EXOC5: variants seen among roughly 807,000 people sequenced by gnomAD.
EXOC5 encodes exocyst complex component 5.
In EXOC5, 17 loss-of-function variants were observed where a neutral mutation model predicts 90.8. The observed-to-expected ratio is 0.19, with a 90% CI of 0.13 to 0.28. The LOEUF is 0.28. EXOC5 is among the 10% of genes least tolerant of loss of function. The probability of loss-of-function intolerance (pLI) is 1.00; values close to 1 mark genes in which losing one functional copy is unlikely to be tolerated. For synonymous variants in EXOC5, 260 were observed against 270.0 expected (o/e 0.96, Z 0.36); for missense variants, 569 against 830.6 (o/e 0.69, Z 3.87).
At chr14:57,254,960 C>G (rs750576325) in intron 1 of EXOC5, among the ~76,000 whole-genome samples, 3 of 152,136 alleles carry the variant, frequency 2.0e-5, no homozygotes, top group Non-Finnish European at 4.4e-5. Context: ...TTATGGAAGC[C>G]TGAGCTGACT....
At position 57,203,010 on chromosome 14, in the gene EXOC5, G is replaced by A. The variant is rs1263452996; in HGVS notation, c.*5599C>T. 2.0e-5 allele frequency: 3 copies of A among 152,024 alleles called. No individual in the cohort carries two copies. The highest frequency in any genetic ancestry group is 7.2e-5 in the African/African-American group (3 of 41,382). The allele number at this position is 152,024 out of a possible 1,614,324, so 9.4% of individuals were successfully genotyped here. A position where few individuals can be genotyped will look rare whatever the true frequency, so the allele number is the denominator to read the frequency against. On this transcript the variant is annotated 3_prime_UTR_variant, in exon 18 of 18. Coordinates refer to ENST00000621441, the MANE Select transcript of EXOC5 (RefSeq NM_006544.4). ...GAATCCCCCATGTTATCCTCTAAAT[G>A]GTACACAGTATTCACAAACAATATG...
rs1208223422 is a variant in EXOC5 at position 57,246,661 on chromosome 14, AAAGAT to A, written c.270+45_270+49del. The A allele has an allele frequency of 6.8e-6, 10 of 1,466,642 alleles. No homozygotes were observed. The Admixed American group carries it at 8.0e-5, about 12-fold the overall frequency. The allele number at this position is 1,466,642 out of a possible 1,614,324, so 90.9% of individuals were successfully genotyped here. ...TAAGAGCTTAAAACTGGAAGAAAAT[AAAGAT>A]ATTATAGCCTATATAAAATACCCAT... On this transcript the variant is annotated intron_variant, in intron 3 of 17. Transcript: ENST00000621441.
chr14:57,236,311 G>A (rs1240264396), intron 6 of EXOC5, among the ~76,000 whole-genome samples: 2 of 140,686 alleles, frequency 1.4e-5, no homozygotes, highest in African/African-American at 5.5e-5. Context: ...TTTCGAGACA[G>A]AGTTTCTCTG....
Position 57,206,124 on chromosome 14 carries a change from C to T in EXOC5, c.*2485G>A. 5.1e-6 allele frequency: 2 copies of T among 393,120 alleles called. No homozygotes were observed. Among genetic ancestry groups the T allele is most frequent in the Non-Finnish European group, 1.0e-5 (2 of 199,802 alleles). The allele number at this position is 393,120 out of a possible 1,614,324, so 24.4% of individuals were successfully genotyped here. On this transcript the variant is annotated 3_prime_UTR_variant, in exon 18 of 18. Transcript: ENST00000621441. ...ATTTTCAACTTCATTCAATGCATTA[C>T]CTAAATACTGCATATTAGCTCATGC...
chr14:57,224,312 T>C (rs1167315449), intron 12 of EXOC5, among the ~76,000 whole-genome samples: 1 of 150,982 alleles, frequency 6.6e-6, no homozygotes, highest in Non-Finnish European at 1.5e-5. Context: ...GGGAAATAAA[T>C]CAGTAAAATG....
chr14:57,244,865 T>A (rs1273846415), intron 3 of EXOC5, among the ~76,000 whole-genome samples: 2 of 152,056 alleles, frequency 1.3e-5, no homozygotes, highest in Non-Finnish European at 2.9e-5. Context: ...GGTTTGGTGG[T>A]GGGCCCTGCA....
chr14:57,239,182 C>CG (rs1326595260), intron 5 of EXOC5, among the ~76,000 whole-genome samples: 85 of 152,222 alleles, frequency 5.6e-4, no homozygotes, highest in African/African-American at 1.9e-3. Context: ...CGTTCATCAG[C>CG]TTTTCAAAGG....
At chr14:57,242,069 G>A (rs368018436) in intron 4 of EXOC5, among the ~76,000 whole-genome samples, 1 of 149,846 alleles carries the variant, frequency 6.7e-6, no homozygotes, top group Non-Finnish European at 1.5e-5. Context: ...GGAGGCGGAG[G>A]TTGCAGTGAG....
intron 14 of EXOC5, 45 bp downstream of exon 14, chr14:57,219,277 T>G: frequency 8.1e-7 from 1 of 1,237,516 alleles, no homozygotes; most frequent in Non-Finnish European, 1.1e-6. Context: ...TAGAATGCTA[T>G]AATAGTCACT....
chr14:57,235,844 C>T (rs1350419665), intron 6 of EXOC5, 24 bp from the exon 7 acceptor site: 1 of 1,187,610 alleles, frequency 8.4e-7, no homozygotes, highest in African/African-American at 1.5e-5. Flanking sequence ...CATTCAGCTA[C>T]ACTGAGGCAT....
intron 15 of EXOC5, among the ~76,000 whole-genome samples, chr14:57,210,917 A>C (rs571792121): frequency 1.3e-5 from 2 of 152,220 alleles, no homozygotes; most frequent in African/African-American, 4.8e-5. Flanking sequence ...TGAAAAGGTT[A>C]CTCTATCCTA....
intron 1 of EXOC5, among the ~76,000 whole-genome samples, chr14:57,250,980 G>A (rs1459073530): frequency 6.6e-6 from 1 of 152,168 alleles, no homozygotes. Flanking sequence ...ACATGAATGA[G>A]CATGGTTGTG....
intron 9 of EXOC5, 41 bp from the exon 10 acceptor site, chr14:57,232,790 T>C (rs1218861013): frequency 1.1e-6 from 1 of 937,976 alleles, no homozygotes; most frequent in South Asian, 1.5e-5. Flanking sequence ...TAGGTAAATA[T>C]TAAATTCTAC....
intron 1 of EXOC5, among the ~76,000 whole-genome samples, chr14:57,250,997 T>C (rs1437599135): frequency 1.3e-5 from 2 of 151,908 alleles, no homozygotes; most frequent in East Asian, 2.0e-4. Context: ...TGTGTATCAA[T>C]AAAACAGACA....
chr14:57,221,209 T>C (rs915963144), intron 13 of EXOC5, among the ~76,000 whole-genome samples: 5 of 152,030 alleles, frequency 3.3e-5, no homozygotes, highest in Non-Finnish European at 5.9e-5. Context: ...GGCAAAAGGA[T>C]TTTGGGGATA....
intron 4 of EXOC5, among the ~76,000 whole-genome samples, chr14:57,240,097 G>A (rs146991497): frequency 3.6e-4 from 55 of 152,168 alleles, no homozygotes; most frequent in African/African-American, 1.3e-3. Flanking sequence ...TTAAATGCCT[G>A]TCATTACTGA....
chr14:57,257,183 A>G (rs1419141400), intron 1 of EXOC5, among the ~76,000 whole-genome samples: 1 of 152,168 alleles, frequency 6.6e-6, no homozygotes, highest in Non-Finnish European at 1.5e-5. Context: ...AAAAAGGAAT[A>G]AAAGATTACT....
At chr14:57,228,709 G>A (rs558500564) in intron 12 of EXOC5, among the ~76,000 whole-genome samples, 1 of 151,798 alleles carries the variant, frequency 6.6e-6, no homozygotes, top group Admixed American at 6.6e-5. Context: ...CTGTTGGGGG[G>A]GTGGGGGACT....
rs1414498139 is a variant in EXOC5 at position 57,208,698 on chromosome 14, G to A, written c.2038C>T (p.Leu680Phe). The change falls in exon 18 of 18, where the codon CTT (leucine) becomes TTT (phenylalanine). Residue 680 changes from leucine (L) to phenylalanine (F), a missense_variant. Physicochemically the swap from Leu to Phe is conservative, Grantham distance 22. Around this residue, in one of 9 missense-constraint regions of EXOC5, gnomAD observed 122 missense variants for 180.0 expected, o/e 0.68. Coordinates refer to ENST00000621441, the MANE Select transcript of EXOC5 (RefSeq NM_006544.4). ...AGTATATTCTTGTCCAGATTAGCAAGTTGTTCTCCTGAGCAGACTTGCTTT... is the reference window on the plus strand; with the variant it reads ...AGTATATTCTTGTCCAGATTAGCAAATTGTTCTCCTGAGCAGACTTGCTTT... ...NLKQVCSGEQ[L>F]ANLDKNILHS... The A allele has an allele frequency of 2.5e-6, 4 of 1,612,388 alleles. No homozygotes were observed. Among genetic ancestry groups the A allele is most frequent in the African/African-American group, 1.3e-5 (1 of 74,884 alleles).
Sources: gnomAD v4.1 joint callset for allele counts (sites outside exome capture counted in the v4.1 genomes callset) on GRCh38, gnomAD v4.1.1 for gene constraint, gnomAD v4.1.1 regional missense constraint, MANE v1.5 for transcripts, NCBI Gene and HGNC (gene_info 2026-07-23, HGNC 2026-07-21) for gene names.